GRIP1: variants seen among roughly 807,000 people sequenced by gnomAD.
GRIP1 encodes the protein glutamate receptor-interacting protein 1.
GRIP1 carries 45 observed loss-of-function variants against 129.9 expected under a neutral mutation model. That is an observed-to-expected ratio of 0.35 (90% CI 0.27 to 0.44). The LOEUF (loss-of-function observed/expected upper bound fraction) is 0.44. Ranked by LOEUF, GRIP1 falls within the 20% of genes least tolerant of loss-of-function variation. GRIP1 has a pLI of 1.00. For synonymous variants in GRIP1, 530 were observed against 520.8 expected (o/e 1.02, Z -0.24); for missense variants, 1,196 against 1,396.8 (o/e 0.86, Z 2.29).
At chr12:66,955,588 A>G (rs2041828589) in intron 1 of GRIP1, among the ~76,000 whole-genome samples, 2 of 146,224 alleles carry the variant, frequency 1.4e-5, no homozygotes, top group Admixed American at 1.4e-4. Context: ...GCTCACTGCA[A>G]CCTCCACCTC....
intron 1 of GRIP1, among the ~76,000 whole-genome samples, chr12:66,787,130 T>C (rs2038373833): frequency 6.6e-6 from 1 of 152,180 alleles, no homozygotes; most frequent in Non-Finnish European, 1.5e-5. Flanking sequence ...GCCCAATTAC[T>C]ATCTGTGCAC....
At chr12:66,938,382 T>C (rs957834595) in intron 1 of GRIP1, among the ~76,000 whole-genome samples, 3 of 152,090 alleles carry the variant, frequency 2.0e-5, no homozygotes, top group African/African-American at 7.2e-5. Flanking sequence ...TCAATAATAA[T>C]AATAATGATA....
At chr12:66,578,974 C>G (rs1055459013) in intron 2 of GRIP1, among the ~76,000 whole-genome samples, 33 of 152,162 alleles carry the variant, frequency 2.2e-4, no homozygotes, top group Non-Finnish European at 4.6e-4. Flanking sequence ...GTCCCTGACC[C>G]CTGACCCCTG....
chr12:66,802,475 T>A (rs2038886251), intron 1 of GRIP1, among the ~76,000 whole-genome samples: 1 of 152,198 alleles, frequency 6.6e-6, no homozygotes, highest in South Asian at 2.1e-4. Context: ...CTAACTCTAG[T>A]TTGGGAATAT....
chr12:66,773,614 G>A (rs1436395470), intron 1 of GRIP1, among the ~76,000 whole-genome samples: 2 of 151,960 alleles, frequency 1.3e-5, no homozygotes, highest in South Asian at 2.1e-4. Context: ...GTAGATGATG[G>A]GTTGATAGGT....
chr12:66,536,367 C>T (rs1045967263), intron 4 of GRIP1, among the ~76,000 whole-genome samples: 2 of 152,182 alleles, frequency 1.3e-5, no homozygotes, highest in African/African-American at 4.8e-5. Flanking sequence ...CTCCCAGTGG[C>T]CTATAGTGAT....
chr12:66,516,288 T>C (rs1025264161), intron 6 of GRIP1, among the ~76,000 whole-genome samples: 3 of 152,154 alleles, frequency 2.0e-5, no homozygotes, highest in Admixed American at 2.0e-4. Context: ...TCACATTCCC[T>C]GGAAGAGGAA....
intron 1 of GRIP1, among the ~76,000 whole-genome samples, chr12:66,986,176 C>T (rs1246902233): frequency 2.6e-5 from 4 of 152,110 alleles, no homozygotes; most frequent in African/African-American, 7.2e-5. Context: ...ATTCAGGAAA[C>T]GACAGGTGCT....
At chr12:66,993,048 A>T (rs1202507847) in intron 1 of GRIP1, among the ~76,000 whole-genome samples, 2 of 152,154 alleles carry the variant, frequency 1.3e-5, no homozygotes, top group African/African-American at 2.4e-5. Context: ...CAGGAGGCGG[A>T]CATTGCAGTG....
At chr12:66,544,854 G>C (rs1384616739) in intron 2 of GRIP1, among the ~76,000 whole-genome samples, 1 of 152,096 alleles carries the variant, frequency 6.6e-6, no homozygotes, top group African/African-American at 2.4e-5. Context: ...GGTGTTTAAT[G>C]TTTGCATAGT....
chr12:66,782,562 T>C (rs1010821838), intron 1 of GRIP1, among the ~76,000 whole-genome samples: 1 of 152,288 alleles, frequency 6.6e-6, no homozygotes, highest in African/African-American at 2.4e-5. Flanking sequence ...CTAACCAGAA[T>C]AGTATTTTAG....
At chr12:66,435,877 G>A (rs1232565659) in intron 13 of GRIP1, among the ~76,000 whole-genome samples, 1 of 152,088 alleles carries the variant, frequency 6.6e-6, no homozygotes, top group African/African-American at 2.4e-5. Flanking sequence ...TGATCAAGCT[G>A]TGGCTTCATT....
Position 66,419,236 on chromosome 12 carries a change from A to C in GRIP1, c.1838+1484T>G, listed in dbSNP as rs146101684. ...ATGTTCTCACTTATTTGTGGTATTT[A>C]AAAATCAAAATAACTGAACTCATGG... On this transcript the variant is annotated intron_variant, in intron 15 of 24. Transcript: ENST00000359742. 4.6e-3 allele frequency among the ~76,000 whole-genome samples: 697 copies of C among 152,244 alleles called. 2 individuals carry two copies. The highest frequency in any genetic ancestry group is 7.8e-3 in the Non-Finnish European group (533 of 68,010).
chr12:67,015,237 G>A (rs2042768709), intron 1 of GRIP1, among the ~76,000 whole-genome samples: 1 of 152,122 alleles, frequency 6.6e-6, no homozygotes, highest in South Asian at 2.1e-4. Flanking sequence ...CATTATCCCA[G>A]AGGTCATATG....
chr12:67,010,820 C>G (rs1271063294), intron 1 of GRIP1, among the ~76,000 whole-genome samples: 1 of 151,962 alleles, frequency 6.6e-6, no homozygotes, highest in Admixed American at 6.6e-5. Context: ...ACTGTCTCCC[C>G]CCCAGCGCAG....
chr12:67,027,594 T>C (rs1592486566), intron 1 of GRIP1, among the ~76,000 whole-genome samples: 1 of 152,202 alleles, frequency 6.6e-6, no homozygotes, highest in South Asian at 2.1e-4. Context: ...AAACTGGCTA[T>C]GATTAGAAGC....
chr12:67,045,081 C>G (rs1391745908), intron 1 of GRIP1, among the ~76,000 whole-genome samples: 3 of 152,138 alleles, frequency 2.0e-5, no homozygotes, highest in Non-Finnish European at 4.4e-5. Flanking sequence ...TGTATGCGCT[C>G]AACACTACTT....
intron 1 of GRIP1, among the ~76,000 whole-genome samples, chr12:66,829,923 C>A (rs1360634565): frequency 3.9e-5 from 6 of 152,078 alleles, no homozygotes; most frequent in African/African-American, 1.4e-4. Flanking sequence ...GAAACTGGGC[C>A]TCAGAGAGGG....
intron 1 of GRIP1, among the ~76,000 whole-genome samples, chr12:66,792,950 A>G (rs2038587885): frequency 6.6e-6 from 1 of 152,138 alleles, no homozygotes; most frequent in South Asian, 2.1e-4. Flanking sequence ...TCTTTGAGAA[A>G]TATTTCCTAT....
Sources: allele counts gnomAD v4.1 joint callset (sites outside exome capture counted in the v4.1 genomes callset), GRCh38; gene constraint gnomAD v4.1.1; transcripts MANE v1.5; gene names NCBI Gene and HGNC (gene_info 2026-07-23, HGNC 2026-07-21).